LRIF1: variants seen among roughly 807,000 people sequenced by gnomAD.
LRIF1 encodes the protein ligand dependent nuclear receptor interacting factor 1, also known as ligand-dependent nuclear receptor-interacting factor 1.
LRIF1 carries 32 observed loss-of-function variants against 52.7 expected under a neutral mutation model. That is an observed-to-expected ratio of 0.61 (90% CI 0.46 to 0.82). The LOEUF (loss-of-function observed/expected upper bound fraction) is 0.82, where lower values mean the gene tolerates loss of function less well. LRIF1 is among the 40% of genes least tolerant of loss of function. LRIF1 has a pLI of 0.00. For missense variants in LRIF1, 887 were observed against 892.0 expected (o/e 0.99, Z 0.07); for synonymous variants, 323 against 317.4 (o/e 1.02, Z -0.19).
chr1:110,963,491 C>A (rs113132978), intron 1 of LRIF1, 130 bp downstream of exon 1: 1 of 677,944 alleles, frequency 1.5e-6, no homozygotes. Flanking sequence ...CAAGCGCTTC[C>A]CGCCTGGGTG....
At chr1:110,919,072 C>T in the LRIF1 span, among the ~76,000 whole-genome samples, 1 of 152,170 alleles carries the variant, frequency 6.6e-6, no homozygotes, top group South Asian at 2.1e-4. Flanking sequence ...GTGGTACCTA[C>T]AAGTACCTGA....
chr1:110,878,795 T>C, the LRIF1 span, among the ~76,000 whole-genome samples: 2 of 152,226 alleles, frequency 1.3e-5, no homozygotes, highest in African/African-American at 2.4e-5. Flanking sequence ...TTCCAACATG[T>C]CTTAACAGAG....
rs151031562 is a variant in LRIF1, at chr1:110,955,858, G to A, written c.69-3043C>T. Reference sequence around the variant, plus strand: ...TAAATACTCAAGTGAGCCAGTTCAGGGAAGAAACTGGTAATAAAGGAACAA... The same window carrying A: ...TAAATACTCAAGTGAGCCAGTTCAGAGAAGAAACTGGTAATAAAGGAACAA... On this transcript the variant is annotated intron_variant, in intron 1 of 3. Coordinates refer to ENST00000369763, the MANE Select transcript of LRIF1 (RefSeq NM_018372.4). 2.0e-5 allele frequency among the ~76,000 whole-genome samples: 3 copies of A among 152,310 alleles called. No individual in the cohort carries two copies. In the East Asian group the frequency reaches 5.8e-4, roughly 29 times the overall value.
At chr1:110,963,478 A>G in intron 1 of LRIF1, 143 bp downstream of exon 1, 1 of 589,988 alleles carries the variant, frequency 1.7e-6, no homozygotes, top group Non-Finnish European at 2.9e-6. Context: ...AGCGCCGCGG[A>G]GACAAGCGCT....
the LRIF1 span, among the ~76,000 whole-genome samples, chr1:110,918,634 A>G: frequency 6.6e-6 from 1 of 152,220 alleles, no homozygotes; most frequent in African/African-American, 2.4e-5. Context: ...CAACTTGAAG[A>G]GACAGTGAGA....
chr1:110,896,924 AGAGACACTGT>A, the LRIF1 span, among the ~76,000 whole-genome samples: 1 of 152,240 alleles, frequency 6.6e-6, no homozygotes, highest in Admixed American at 6.5e-5. Context: ...CATTTAGACT[AGAGACACTGT>A]GATTGATCTT....
chr1:110,953,283 C>A (rs1658558972), intron 1 of LRIF1, among the ~76,000 whole-genome samples: 1 of 152,128 alleles, frequency 6.6e-6, no homozygotes, highest in Non-Finnish European at 1.5e-5. Context: ...ACAAGTTCTG[C>A]CAGCCATTCT....
chr1:110,909,050 A>G, the LRIF1 span, among the ~76,000 whole-genome samples: 1 of 152,204 alleles, frequency 6.6e-6, no homozygotes, highest in East Asian at 1.9e-4. Flanking sequence ...TACAGGCCAG[A>G]AAAGGTTGGG....
At chr1:110,943,874 T>C (rs1658142862), downstream of LRIF1, 1 of 152,214 alleles carries the variant, frequency 6.6e-6, no homozygotes, top group Non-Finnish European at 1.5e-5. Flanking sequence ...AACTTCTTTA[T>C]CTAAAGACAA....
chr1:110,897,023 TAAGC>T, the LRIF1 span, among the ~76,000 whole-genome samples: 1 of 152,232 alleles, frequency 6.6e-6, no homozygotes, highest in Non-Finnish European at 1.5e-5. Context: ...AGATATTTCT[TAAGC>T]AAGAAGTAGG....
At chr1:110,920,809 C>A in the LRIF1 span, among the ~76,000 whole-genome samples, 1 of 152,272 alleles carries the variant, frequency 6.6e-6, no homozygotes, top group East Asian at 1.9e-4. Context: ...AAAATTCGTA[C>A]TTTCCACTCC....
chr1:110,889,926 A>G, the LRIF1 span, among the ~76,000 whole-genome samples: 1 of 152,328 alleles, frequency 6.6e-6, no homozygotes, highest in Admixed American at 6.5e-5. Flanking sequence ...CTGAGGAGTA[A>G]GACAAGAAGA....
the LRIF1 span, among the ~76,000 whole-genome samples, chr1:110,879,334 A>C: frequency 6.6e-6 from 1 of 152,220 alleles, no homozygotes; most frequent in East Asian, 1.9e-4. Flanking sequence ...CAGGTTAAGC[A>C]AGTTGCCCAA....
At chr1:110,957,183 T>A (rs1050198654) in intron 1 of LRIF1, among the ~76,000 whole-genome samples, 3 of 150,740 alleles carry the variant, frequency 2.0e-5, no homozygotes, top group Middle Eastern at 3.5e-3. Context: ...ATTCGCCAGG[T>A]GCGGTGGCTC....
chr1:110,954,789 A>G (rs956074007), intron 1 of LRIF1, among the ~76,000 whole-genome samples: 2 of 152,214 alleles, frequency 1.3e-5, no homozygotes, highest in Non-Finnish European at 2.9e-5. Context: ...GTGCATTCTT[A>G]TATTTTAATT....
At chr1:110,880,054 C>T in the LRIF1 span, among the ~76,000 whole-genome samples, 38,948 of 152,130 alleles carry the variant, frequency 0.26, 5,472 homozygotes, top group Non-Finnish European at 0.32. Flanking sequence ...CCCTAACCTC[C>T]ATGTTGAGTT....
At chr1:110,941,269 G>C in the LRIF1 span, 1 of 152,000 alleles carries the variant, frequency 6.6e-6, no homozygotes, top group Non-Finnish European at 1.5e-5. Context: ...CACAGATATA[G>C]TCACATGTAT....
At chr1:110,906,865 T>A in the LRIF1 span, among the ~76,000 whole-genome samples, 1 of 152,172 alleles carries the variant, frequency 6.6e-6, no homozygotes, top group East Asian at 1.9e-4. Context: ...TCAAAACAAC[T>A]GGGATGCTCT....
intron 1 of LRIF1, among the ~76,000 whole-genome samples, chr1:110,957,237 C>A (rs1353462524): frequency 1.4e-5 from 2 of 147,628 alleles, no homozygotes; most frequent in Non-Finnish European, 3.0e-5. Context: ...GCAGGTGGAT[C>A]ACGAGGTCAG....
Sources: gnomAD v4.1 joint callset for allele counts (sites outside exome capture counted in the v4.1 genomes callset) on GRCh38, gnomAD v4.1.1 for gene constraint, MANE v1.5 for transcripts, NCBI Gene and HGNC (gene_info 2026-07-23, HGNC 2026-07-21) for gene names.